The following DOCK8 variants were observed in gnomAD, a reference collection of about 807,000 sequenced individuals.
DOCK8 encodes the protein dedicator of cytokinesis protein 8.
DOCK8 carries 141 observed loss-of-function variants against 245.6 expected under a neutral mutation model. The observed-to-expected ratio is 0.57, with a 90% CI of 0.50 to 0.66. DOCK8 has a LOEUF of 0.66. Ranked by LOEUF, DOCK8 falls within the 30% of genes least tolerant of loss-of-function variation. The pLI is 0.00. For missense variants in DOCK8, 2,965 were observed against 2,603.4 expected (o/e 1.14, Z -3.02); for synonymous variants, 1,168 against 970.2 (o/e 1.20, Z -3.79).
At chr9:244,660 G>T (rs1337760039) in intron 1 of DOCK8, among the ~76,000 whole-genome samples, 2 of 152,118 alleles carry the variant, frequency 1.3e-5, no homozygotes, top group African/African-American at 2.4e-5. Flanking sequence ...TTTATTAAAA[G>T]AATTAATAAA....
chr9:382,755 A>G lies in DOCK8; in HGVS notation c.2778+70A>G, dbSNP rs2053776861. 8.3e-6 allele frequency: 13 copies of G among 1,569,804 alleles called. No homozygotes were observed. The South Asian group carries it at 1.5e-4, about 18-fold the overall frequency. On this transcript the variant is annotated intron_variant, in intron 22 of 47. Coordinates refer to ENST00000432829, the MANE Select transcript of DOCK8 (RefSeq NM_203447.4). ...TTTTTTAACTAAAACTTGGAGAAGT[A>G]ACACAGAAGCAACCACTACTGCTGC...
Position 376,961 on chromosome 9 carries a change from C to A in DOCK8, c.2206-16C>A, listed in dbSNP as rs768960255. 2.5e-6 allele frequency: 4 copies of A among 1,610,008 alleles called. No individual in the cohort carries two copies. In the Admixed American group the frequency reaches 6.7e-5, roughly 27 times the overall value. Reference sequence around the variant, plus strand: ...ATGGTATAAAACCCCATGAGGCCTGCCTTCTCCCTTCGCAGGACAACCACC... The same window carrying A: ...ATGGTATAAAACCCCATGAGGCCTGACTTCTCCCTTCGCAGGACAACCACC... On this transcript the variant is annotated splice_polypyrimidine_tract_variant and intron_variant, in intron 19 of 47. Coordinates refer to ENST00000432829, the MANE Select transcript of DOCK8 (RefSeq NM_203447.4).
chr9:425,976 T>C (rs2056484805), intron 33 of DOCK8, among the ~76,000 whole-genome samples: 2 of 151,892 alleles, frequency 1.3e-5, no homozygotes, highest in Non-Finnish European at 2.9e-5. Flanking sequence ...CAAGAACAGG[T>C]AAGTGGTAAC....
chr9:363,580 T>C (rs935530134), intron 14 of DOCK8, among the ~76,000 whole-genome samples: 1 of 152,362 alleles, frequency 6.6e-6, no homozygotes, highest in East Asian at 1.9e-4. Flanking sequence ...GATTTAGAAA[T>C]ATGATGACCC....
intron 46 of DOCK8, among the ~76,000 whole-genome samples, chr9:463,302 T>C (rs937515807): frequency 6.6e-6 from 1 of 151,830 alleles, no homozygotes; most frequent in Non-Finnish European, 1.5e-5. Flanking sequence ...ACACAGAGAT[T>C]TCTGGGTGCT....
At chr9:418,304 C>G in intron 30 of DOCK8, 97 bp downstream of exon 30, 2 of 1,512,782 alleles carry the variant, frequency 1.3e-6, no homozygotes, top group South Asian at 2.3e-5. Flanking sequence ...CAGAGTCTCA[C>G]TCTGTTGCAC....
chr9:214,716 T>A (rs1205022324), upstream of DOCK8: 2 of 1,545,370 alleles, frequency 1.3e-6, no homozygotes, highest in South Asian at 2.4e-5. Context: ...GGGAGGCCAG[T>A]TCCGCGCTGG....
intron 18 of DOCK8, among the ~76,000 whole-genome samples, chr9:372,607 A>T (rs1194890187): frequency 6.6e-6 from 1 of 152,224 alleles, no homozygotes; most frequent in African/African-American, 2.4e-5. Flanking sequence ...GTTCCCATCA[A>T]GGATCCTTAT....
chr9:342,373 C>G (rs1178604772), intron 14 of DOCK8, among the ~76,000 whole-genome samples: 1 of 147,404 alleles, frequency 6.8e-6, no homozygotes, highest in East Asian at 2.1e-4. Flanking sequence ...CAGATTTCCA[C>G]AAGTTTTACC....
Position 334,299 on chromosome 9 carries a change from CT to C in DOCK8, c.1203del (p.Phe401LeufsTer6). On this transcript the variant is annotated frameshift_variant, in exon 11 of 48. Coordinates refer to ENST00000432829, the MANE Select transcript of DOCK8 (RefSeq NM_203447.4). LOFTEE classifies it high-confidence loss of function. The part of the protein sequence containing the change: ...CQRLGKYRMP[F>X]AWAPISLSSF... ...AGCGTTTGGGGAAATACCGGATGCCCTTTGCCTGGGCACCCATAAGCTTATC... is the reference window on the plus strand; with the variant it reads ...AGCGTTTGGGGAAATACCGGATGCCCTTGCCTGGGCACCCATAAGCTTATC... 6.2e-7 allele frequency: 1 copy of C among 1,614,206 alleles called. No individual in the cohort carries two copies.
intron 14 of DOCK8, among the ~76,000 whole-genome samples, chr9:357,463 C>G (rs2052497811): frequency 6.6e-6 from 1 of 152,210 alleles, no homozygotes. Flanking sequence ...CTCTCTCTCT[C>G]TCTTTCTCTT....
intron 12 of DOCK8, among the ~76,000 whole-genome samples, chr9:338,097 T>A (rs2051402024): frequency 6.6e-6 from 1 of 151,456 alleles, no homozygotes; most frequent in Admixed American, 6.6e-5. Context: ...GAGGTTGCAG[T>A]GAGCCGAGAT....
At position 464,627 on chromosome 9, in the gene DOCK8, G is replaced by C. The variant is rs1287778428; in HGVS notation, c.*408G>C. 4.0e-6 allele frequency: 1 copy of C among 247,210 alleles called. No homozygotes were observed. The highest frequency in any genetic ancestry group is 5.1e-5 in the South Asian group (1 of 19,674). 15.3% of individuals were successfully genotyped at this position (247,210 alleles called of 1,614,324 possible). ...AAAATGGAAAAATTATCCACCAGTC[G>C]ATTCAAACTGAATTTCACTCTTTAT... On this transcript the variant is annotated 3_prime_UTR_variant, in exon 48 of 48. Transcript: ENST00000432829.
At position 261,735 on chromosome 9, in the gene DOCK8, A is replaced by G. The variant is rs1736188935; in HGVS notation, c.54-9892A>G. ...GTTGTGGATGTAATATTTTTCCTCT[A>G]CTTTTGCAGTTCTTGCTTTATATAT... On this transcript the variant is annotated intron_variant, in intron 1 of 47. Coordinates refer to ENST00000432829, the MANE Select transcript of DOCK8 (RefSeq NM_203447.4). Among the ~76,000 whole-genome samples, 3 of 152,002 alleles carry G rather than the reference A, an allele frequency of 2.0e-5. No homozygotes were observed. The South Asian group carries it at 6.2e-4, about 32-fold the overall frequency.
At chr9:415,537 C>T (rs189685751) in intron 29 of DOCK8, among the ~76,000 whole-genome samples, 73 of 151,894 alleles carry the variant, frequency 4.8e-4, no homozygotes, top group Middle Eastern at 3.4e-3. Context: ...TTTGTGAAAC[C>T]CCAGAATCTA....
chr9:429,107 T>C (rs111519295), intron 35 of DOCK8, among the ~76,000 whole-genome samples: 35 of 152,282 alleles, frequency 2.3e-4, no homozygotes, highest in African/African-American at 7.7e-4. Context: ...ATTGGGATTA[T>C]AGGCGTGTGC....
intron 7 of DOCK8, among the ~76,000 whole-genome samples, chr9:324,557 A>G (rs1287672728): frequency 6.6e-6 from 1 of 152,126 alleles, no homozygotes; most frequent in African/African-American, 2.4e-5. Context: ...GGAATTGGCA[A>G]TTAGGGCCAA....
At chr9:227,636 T>C (rs2047018044) in intron 1 of DOCK8, among the ~76,000 whole-genome samples, 1 of 152,138 alleles carries the variant, frequency 6.6e-6, no homozygotes, top group East Asian at 1.9e-4. Context: ...CTAACACAGA[T>C]GAACATAAAA....
At position 420,478 on chromosome 9, in the gene DOCK8, T is replaced by A. The variant is rs1436784252; in HGVS notation, c.3918T>A (p.Asn1306Lys). The A allele has an allele frequency of 1.9e-6, 3 of 1,614,102 alleles. No homozygotes were observed. In the South Asian group the frequency reaches 3.3e-5, roughly 18 times the overall value. The change falls in exon 31 of 48, where the codon AAT becomes AAA. Residue 1306 changes from asparagine to lysine, a missense_variant. Physicochemically the swap from Asn to Lys is moderately conservative, Grantham distance 94. Transcript: ENST00000432829. ...TCTGCTTCCTCTGGATCATGAAAAA[T>A]GCTGATCAGAGCCTCATTAGGAAGT... ...LMICFLWIMK[N>K]ADQSLIRKWI...
Sources: gnomAD v4.1 joint callset for allele counts (sites outside exome capture counted in the v4.1 genomes callset) on GRCh38, gnomAD v4.1.1 for gene constraint, MANE v1.5 for transcripts, NCBI Gene and HGNC (gene_info 2026-07-23, HGNC 2026-07-21) for gene names.